Variants in CSMD1 observed in about 807,000 individuals in gnomAD.
The protein encoded by CSMD1 is CUB and sushi domain-containing protein 1.
In CSMD1, 213 loss-of-function variants were observed where a neutral mutation model predicts 417.5. That is an observed-to-expected ratio of 0.51 (90% confidence interval 0.46 to 0.57). The LOEUF is 0.57. Ranked by LOEUF, CSMD1 falls within the 20% of genes least tolerant of loss-of-function variation. The pLI, the probability that CSMD1 is intolerant of heterozygous loss-of-function variation, is 0.00. For synonymous variants in CSMD1, 2,862 were observed against 1,736.8 expected, an observed-to-expected ratio of 1.65 and a Z score of -16.11; for missense variants, 6,923 against 4,529.7, an observed-to-expected ratio of 1.53 and a Z score of -15.17.
chr8:4,972,310 C>T (rs1169499107), intron 1 of CSMD1, among the ~76,000 whole-genome samples: 1 of 151,018 alleles, frequency 6.6e-6, no homozygotes, highest in Non-Finnish European at 1.5e-5. Context: ...AATTGTAATC[C>T]CCTACTCCCG....
chr8:3,240,905 G>C (rs1329980591), intron 26 of CSMD1, among the ~76,000 whole-genome samples: 1 of 152,008 alleles, frequency 6.6e-6, no homozygotes, highest in African/African-American at 2.4e-5. Context: ...TCATGCTGTA[G>C]CAGGCAAGTG....
intron 3 of CSMD1, among the ~76,000 whole-genome samples, chr8:4,338,343 C>A (rs893676811): frequency 1.4e-4 from 21 of 152,158 alleles, no homozygotes; most frequent in African/African-American, 4.8e-4. Flanking sequence ...TGTTCCAGGG[C>A]TCTCTTAAGG....
chr8:3,307,332 C>G (rs558906236), intron 25 of CSMD1, among the ~76,000 whole-genome samples: 3 of 152,042 alleles, frequency 2.0e-5, no homozygotes, highest in African/African-American at 7.2e-5. Flanking sequence ...GGCCCTCACA[C>G]CTAAGGAAGG....
chr8:3,737,635 C>G (rs1796591437), intron 6 of CSMD1, among the ~76,000 whole-genome samples: 1 of 152,092 alleles, frequency 6.6e-6, no homozygotes, highest in South Asian at 2.1e-4. Flanking sequence ...TTTTTTTAAG[C>G]TACCTTGGTT....
At chr8:4,631,498 G>C (rs562472066) in intron 2 of CSMD1, among the ~76,000 whole-genome samples, 45 of 151,830 alleles carry the variant, frequency 3.0e-4, no homozygotes, top group African/African-American at 1.0e-3. Flanking sequence ...GCAATGCTAG[G>C]TCTCTAGTCT....
At chr8:4,340,769 G>C (rs1283174228) in intron 3 of CSMD1, among the ~76,000 whole-genome samples, 1 of 152,026 alleles carries the variant, frequency 6.6e-6, no homozygotes, top group Non-Finnish European at 1.5e-5. Context: ...AAACTGTCAA[G>C]CAAACTCATA....
At chr8:4,135,403 A>AAAGAGGGGGAAGGAGGGGGAAAGG (rs1256297422) in intron 3 of CSMD1, among the ~76,000 whole-genome samples, 1 of 132,370 alleles carries the variant, frequency 7.6e-6, no homozygotes. Context: ...AAGGGGAAAG[A>AAAGAGGGGGAAGGAGGGGGAAAGG]GGGAAAGAGG....
chr8:3,728,001 G>T (rs549001272), intron 6 of CSMD1, among the ~76,000 whole-genome samples: 1 of 152,166 alleles, frequency 6.6e-6, no homozygotes, highest in Non-Finnish European at 1.5e-5. Flanking sequence ...CATGGTGGTG[G>T]AGGCTACACA....
chr8:3,409,069 A>G (rs1256666211), intron 13 of CSMD1, among the ~76,000 whole-genome samples: 30 of 152,282 alleles, frequency 2.0e-4, no homozygotes. Flanking sequence ...TTTAAGTGTT[A>G]TACAGCATTA....
At chr8:4,152,524 C>CAAAA (rs11460992) in intron 3 of CSMD1, among the ~76,000 whole-genome samples, 14 of 139,442 alleles carry the variant, frequency 1.0e-4, no homozygotes, top group African/African-American at 3.5e-4. Flanking sequence ...CAGAGAGTAC[C>CAAAA]AAAAAAAAAA....
At chr8:4,338,268 G>T (rs1275345813) in intron 3 of CSMD1, among the ~76,000 whole-genome samples, 1 of 152,136 alleles carries the variant, frequency 6.6e-6, no homozygotes. Flanking sequence ...CCATAGTTGA[G>T]TAAGTGCAAG....
chr8:3,905,277 G>C (rs1324731091), intron 5 of CSMD1, among the ~76,000 whole-genome samples: 2 of 152,122 alleles, frequency 1.3e-5, no homozygotes, highest in African/African-American at 4.8e-5. Flanking sequence ...AAGAGTTAGG[G>C]AAAATATTCA....
chr8:3,720,314 G>C (rs1454666335), intron 6 of CSMD1, among the ~76,000 whole-genome samples: 2 of 152,138 alleles, frequency 1.3e-5, no homozygotes, highest in Non-Finnish European at 1.5e-5. Flanking sequence ...AGAAAGGGGA[G>C]AGAGAGGAGA....
intron 5 of CSMD1, among the ~76,000 whole-genome samples, chr8:3,785,221 A>G (rs1285317217): frequency 2.0e-5 from 3 of 152,232 alleles, no homozygotes; most frequent in Admixed American, 6.5e-5. Flanking sequence ...TGAAGAATCA[A>G]TCCATCACAG....
At chr8:4,320,764 G>T (rs1005867972) in intron 3 of CSMD1, among the ~76,000 whole-genome samples, 1 of 152,064 alleles carries the variant, frequency 6.6e-6, no homozygotes. Context: ...TCATTGACGG[G>T]CATTTGGATT....
At chr8:3,413,385 C>T (rs557487304) in intron 12 of CSMD1, among the ~76,000 whole-genome samples, 1 of 152,168 alleles carries the variant, frequency 6.6e-6, no homozygotes, top group Non-Finnish European at 1.5e-5. Flanking sequence ...CTGTGGTTAG[C>T]TGATCCCACC....
chr8:4,846,235 T>A (rs770890599), intron 1 of CSMD1, among the ~76,000 whole-genome samples: 2 of 152,210 alleles, frequency 1.3e-5, no homozygotes, highest in Non-Finnish European at 2.9e-5. Flanking sequence ...GTACAAAAAA[T>A]ATAGCTCTTA....
intron 3 of CSMD1, among the ~76,000 whole-genome samples, chr8:4,335,000 G>A (rs532229516): frequency 6.6e-6 from 1 of 152,138 alleles, no homozygotes; most frequent in Admixed American, 6.6e-5. Flanking sequence ...AAGCTCCGTT[G>A]CCTAAGTGAT....
chr8:4,138,244 G>C lies in CSMD1; in HGVS notation c.416-106145C>G, dbSNP rs1296222258. On this transcript the variant is annotated intron_variant, in intron 3 of 69. Coordinates refer to ENST00000635120, the MANE Select transcript of CSMD1 (RefSeq NM_033225.6). ...TTTTTTTCAGGTCTCTAACTGATGG[G>C]TTTTCCTTTTCTCCTGGCTATGCCA... Among the ~76,000 whole-genome samples the C allele has an allele frequency of 1.4e-5, 2 of 140,078 alleles. 1 individual carries two copies. Among genetic ancestry groups the C allele is most frequent in the Admixed American group, 1.5e-4 (2 of 13,440 alleles). The allele number at this position is 140,078 out of a possible 152,430, so 91.9% of individuals were successfully genotyped here.
Sources: gnomAD v4.1 joint callset for allele counts (sites outside exome capture counted in the v4.1 genomes callset) on GRCh38, gnomAD v4.1.1 for gene constraint, MANE v1.5 for transcripts, NCBI Gene and HGNC (gene_info 2026-07-23, HGNC 2026-07-21) for gene names.